The following SBF2 variants were observed in gnomAD, a reference collection of about 807,000 sequenced individuals.
SBF2 encodes myotubularin-related protein 13.
In SBF2, 112 loss-of-function variants were observed where a neutral mutation model predicts 225.2. The observed-to-expected ratio is 0.50, with a 90% CI of 0.43 to 0.58. SBF2 has a LOEUF of 0.58. Among genes scored for constraint, SBF2 ranks in the 20% least tolerant of loss-of-function variants. The pLI, the probability that SBF2 is intolerant of heterozygous loss-of-function variation, is 0.00. For synonymous variants in SBF2, 763 were observed against 773.3 expected (o/e 0.99, Z 0.22); for missense variants, 1,996 against 2,206.2 (o/e 0.90, Z 1.91).
At position 9,851,159 on chromosome 11, in the gene SBF2, A is replaced by C. The variant is rs572896489; in HGVS notation, c.2611-941T>G. ...TCAAAAAAAAAAAAAACAACAACAA[A>C]AAAAAACCCAGAATACATAGATTAG... On this transcript the variant is annotated intron_variant, in intron 21 of 39. Transcript: ENST00000256190. 2.2e-3 allele frequency among the ~76,000 whole-genome samples: 327 copies of C among 151,450 alleles called. 11 individuals carry two copies. The highest frequency in any genetic ancestry group is 2.6e-3 in the Non-Finnish European group (177 of 67,776).
At chr11:9,781,034 C>T (rs1851971602) in intron 39 of SBF2, among the ~76,000 whole-genome samples, 1 of 152,214 alleles carries the variant, frequency 6.6e-6, no homozygotes, top group South Asian at 2.1e-4. Context: ...TGCTTGACTC[C>T]AGGGACTACA....
At chr11:9,852,342 G>T (rs1857018600) in intron 21 of SBF2, among the ~76,000 whole-genome samples, 2 of 152,094 alleles carry the variant, frequency 1.3e-5, no homozygotes, top group Non-Finnish European at 2.9e-5. Flanking sequence ...CCTTTTTGGT[G>T]GTGGGGGAGG....
chr11:10,193,247 A>C (rs1050756017), intron 2 of SBF2, among the ~76,000 whole-genome samples: 21 of 152,016 alleles, frequency 1.4e-4, no homozygotes, highest in Admixed American at 1.3e-3. Context: ...TCAGGAAAAA[A>C]AAAATATATA....
At chr11:9,938,640 A>C (rs1161231708) in intron 16 of SBF2, among the ~76,000 whole-genome samples, 3 of 152,210 alleles carry the variant, frequency 2.0e-5, no homozygotes, top group African/African-American at 7.2e-5. Flanking sequence ...AGTTCAATTT[A>C]GTAGGAAAAT....
chr11:9,856,657 G>T lies in SBF2; in HGVS notation c.2164C>A (p.Arg722Ser). 1 of 1,614,114 alleles carries T rather than the reference G, an allele frequency of 6.2e-7. No individual in the cohort carries two copies. Among genetic ancestry groups the T allele is most frequent in the Non-Finnish European group, 8.5e-7 (1 of 1,179,988 alleles). ...TAMDLAAEQL[R>S]LWPTLSKSTQ... ...GACTTGCTCAGGGTAGGCCAAAGGC[G>T]TAGTTGCTCAGCTGCCAGGTCCATT... The change falls in exon 19 of 40, where the codon CGC becomes AGC. Residue 722 changes from arginine to serine, a missense_variant. Arg to Ser is a moderately radical substitution (Grantham distance 110). Transcript: ENST00000256190.
Position 9,784,736 on chromosome 11 carries a change from C to CCCTT in SBF2, c.5232-299_5232-298insAAGG, listed in dbSNP as rs368643868. ...AGAGCCAGGAAGTGGATAGAAGATACTGTGTGAGAAGCTAGCATACCCTTG... is the reference window on the plus strand; with the variant it reads ...AGAGCCAGGAAGTGGATAGAAGATACCCTTTGTGTGAGAAGCTAGCATACCCTTG... On this transcript the variant is annotated intron_variant, in intron 37 of 39. Transcript: ENST00000256190. Among the ~76,000 whole-genome samples, 996 of 152,298 alleles carry CCCTT rather than the reference C, an allele frequency of 6.5e-3. 11 individuals are homozygous for CCCTT. Among genetic ancestry groups the CCCTT allele is most frequent in the African/African-American group, 0.023 (948 of 41,556 alleles).
rs1439541685 is a variant in SBF2, at chr11:9,829,490, G to A, written c.3659C>T (p.Thr1220Ile). The change falls in exon 28 of 40, where the codon ACC becomes ATC. Residue 1220 changes from threonine (T) to isoleucine (I), a missense_variant. Transcript: ENST00000256190. ...KSQNSPQAAP[T>I]SSLESSSSIE... ...GCTACTGGAAGATTCTAAAGAGGAG[G>A]TAGGAGCTATAAAAGGAAAATATAT... 5 of 1,610,226 alleles carry A rather than the reference G, an allele frequency of 3.1e-6. No individual in the cohort carries two copies. Among genetic ancestry groups the A allele is most frequent in the Non-Finnish European group, 3.4e-6 (4 of 1,176,466 alleles).
chr11:10,157,349 T>C (rs1311741060), intron 2 of SBF2, among the ~76,000 whole-genome samples: 3 of 152,112 alleles, frequency 2.0e-5, no homozygotes, highest in African/African-American at 7.2e-5. Context: ...ATTCTAAACA[T>C]AGGAACTGGC....
At chr11:10,151,048 T>C (rs1955157287) in intron 2 of SBF2, among the ~76,000 whole-genome samples, 1 of 152,246 alleles carries the variant, frequency 6.6e-6, no homozygotes, top group African/African-American at 2.4e-5. Context: ...TCTTCCCAAC[T>C]TTCTATGCTA....
intron 1 of SBF2, among the ~76,000 whole-genome samples, chr11:10,266,360 A>G (rs1370970714): frequency 6.6e-6 from 1 of 152,186 alleles, no homozygotes; most frequent in African/African-American, 2.4e-5. Flanking sequence ...GAGCACTGAG[A>G]CTGTAAAGGA....
At chr11:10,072,657 T>C (rs1316749460) in intron 2 of SBF2, among the ~76,000 whole-genome samples, 1 of 151,962 alleles carries the variant, frequency 6.6e-6, no homozygotes, top group African/African-American at 2.4e-5. Flanking sequence ...ATGCTATCAT[T>C]TGGGGCTTTT....
At chr11:9,888,460 C>A (rs1262530504) in intron 17 of SBF2, among the ~76,000 whole-genome samples, 2 of 150,380 alleles carry the variant, frequency 1.3e-5, no homozygotes, top group Non-Finnish European at 2.9e-5. Flanking sequence ...GCTGAGATGG[C>A]ATCACTGTAC....
rs781552767 is a variant in SBF2 at position 10,193,965 on chromosome 11, T to C, written c.78A>G (p.Lys26=). 1.2e-5 allele frequency: 19 copies of C among 1,612,216 alleles called. No individual in the cohort carries two copies. Among genetic ancestry groups the C allele is most frequent in the Non-Finnish European group, 1.5e-5 (18 of 1,178,482 alleles). ...EKPGSGEGLG[K]IIQRFPQKDW... ...CCTTCTGTGGAAATCTCTGGATTAT[T>C]TTCCCCAGACCTTCTCCTGATCCTG... The change falls in exon 2 of 40, where the codon AAA becomes AAG. Residue 26 remains lysine (K), a synonymous_variant. Coordinates refer to ENST00000256190, the MANE Select transcript of SBF2 (RefSeq NM_030962.4).
At chr11:10,156,841 C>T (rs1228320947) in intron 2 of SBF2, among the ~76,000 whole-genome samples, 2 of 152,144 alleles carry the variant, frequency 1.3e-5, no homozygotes, top group Non-Finnish European at 2.9e-5. Context: ...GGCCATACTG[C>T]CCAAAGTAAT....
At chr11:9,951,115 T>G (rs1336730733) in intron 16 of SBF2, among the ~76,000 whole-genome samples, 1 of 149,608 alleles carries the variant, frequency 6.7e-6, no homozygotes, top group African/African-American at 2.5e-5. Flanking sequence ...TGAGTAGGAG[T>G]TGGCCAAGGG....
chr11:10,042,943 C>T lies in SBF2; in HGVS notation c.180G>A (p.Arg60=), dbSNP rs757248945. Reference sequence around the variant, plus strand: ...CAACCACAAAGAACGTTGGCTGCTTCCTCTCTCTGGACAGCTGCCACCCGC... The same window carrying T: ...CAACCACAAAGAACGTTGGCTGCTTTCTCTCTCTGGACAGCTGCCACCCGC... The part of the protein sequence containing the change: ...QPGGWQLSRE[R]KQPTFFVVVL... The change falls in exon 3 of 40, where the codon AGG becomes AGA. Residue 60 remains arginine, a synonymous_variant. Coordinates refer to ENST00000256190, the MANE Select transcript of SBF2 (RefSeq NM_030962.4). 1 of 1,613,896 alleles carries T rather than the reference C, an allele frequency of 6.2e-7. No individual in the cohort carries two copies. Among genetic ancestry groups the T allele is most frequent in the South Asian group, 1.1e-5 (1 of 91,072 alleles).
At chr11:10,173,004 T>A (rs1956271503) in intron 2 of SBF2, among the ~76,000 whole-genome samples, 1 of 152,200 alleles carries the variant, frequency 6.6e-6, no homozygotes, top group African/African-American at 2.4e-5. Context: ...GACCCACAGG[T>A]CATTCAGCAG....
At chr11:9,952,224 CCT>C (rs1865898397) in intron 16 of SBF2, among the ~76,000 whole-genome samples, 1 of 146,596 alleles carries the variant, frequency 6.8e-6, no homozygotes, top group Non-Finnish European at 1.5e-5. Flanking sequence ...CCAATGACAG[CCT>C]CTCTCTCATA....
chr11:10,136,045 G>A (rs1954335290), intron 2 of SBF2, among the ~76,000 whole-genome samples: 1 of 152,112 alleles, frequency 6.6e-6, no homozygotes, highest in Non-Finnish European at 1.5e-5. Flanking sequence ...GGCTGGGGAG[G>A]CCTCACAATC....
Sources: gnomAD v4.1 joint callset for allele counts (sites outside exome capture counted in the v4.1 genomes callset) on GRCh38, gnomAD v4.1.1 for gene constraint, MANE v1.5 for transcripts, NCBI Gene and HGNC (gene_info 2026-07-23, HGNC 2026-07-21) for gene names.